GK5: variants seen among roughly 807,000 people sequenced by gnomAD.
GK5 encodes the protein ATP:glycerol 3-phosphotransferase 5.
Under a neutral mutation model 77.3 loss-of-function variants are expected in GK5, and 39 were observed. That is an observed-to-expected ratio of 0.50 (90% CI 0.39 to 0.66). The LOEUF is 0.66. GK5 is among the 30% of genes least tolerant of loss of function. The pLI, the probability that GK5 is intolerant of heterozygous loss-of-function variation, is 0.00. For missense variants in GK5, 487 were observed against 633.8 expected (o/e 0.77, Z 2.49); for synonymous variants, 211 against 208.0 (o/e 1.01, Z -0.13).
intron 9 of GK5, chr3:142,185,631 C>A: frequency 8.6e-7 from 1 of 1,169,350 alleles, no homozygotes; most frequent in African/African-American, 1.6e-5. Flanking sequence ...AAACTAAATA[C>A]CACTCAGAAT....
rs117862814 is a variant in GK5 at position 142,190,412 on chromosome 3, T to C, written c.544-2633A>G. ...AAATCAACAACTCTCCTTAGATCCA[T>C]AGAGAATTGAGGTCCTAGGGCAATG... On this transcript the variant is annotated intron_variant, in intron 5 of 15. Transcript: ENST00000392993. Among the ~76,000 whole-genome samples the C allele has an allele frequency of 4.6e-5, 7 of 152,218 alleles. No individual in the cohort carries two copies. The East Asian group carries it at 1.2e-3, about 25-fold the overall frequency.
chr3:142,171,936 A>G (rs1482099875), intron 13 of GK5, among the ~76,000 whole-genome samples: 1 of 152,166 alleles, frequency 6.6e-6, no homozygotes, highest in African/African-American at 2.4e-5. Context: ...AATAATTAAC[A>G]CCTGTCTCAT....
chr3:142,180,463 C>T (rs1041131622), intron 11 of GK5, among the ~76,000 whole-genome samples: 3 of 151,928 alleles, frequency 2.0e-5, no homozygotes, highest in African/African-American at 7.3e-5. Flanking sequence ...CCACCATGCC[C>T]GGCTAATTTT....
chr3:142,208,658 T>C (rs911760527), intron 3 of GK5, among the ~76,000 whole-genome samples: 1 of 152,246 alleles, frequency 6.6e-6, no homozygotes, highest in Non-Finnish European at 1.5e-5. Flanking sequence ...CAACAGCACA[T>C]ACTTATACAC....
intron 14 of GK5, 64 bp downstream of exon 14, chr3:142,171,355 C>T (rs2063534743): frequency 7.4e-7 from 1 of 1,359,616 alleles, no homozygotes; most frequent in South Asian, 1.5e-5. Context: ...TGAGTGGTAG[C>T]TCATAGCAGC....
chr3:142,165,821 TAA>T (rs2063468194), intron 15 of GK5, 51 bp from the exon 16 acceptor site: 2 of 1,337,610 alleles, frequency 1.5e-6, no homozygotes, highest in Non-Finnish European at 1.0e-6. Flanking sequence ...ATGAGTCCAA[TAA>T]AGTTTATCCA....
chr3:142,184,244 G>C (rs1480319639), intron 9 of GK5, among the ~76,000 whole-genome samples: 2 of 101,826 alleles, frequency 2.0e-5, no homozygotes, highest in African/African-American at 8.4e-5. Flanking sequence ...CTGGGCGACA[G>C]AGTGAGACTC....
At chr3:142,181,337 T>C (rs1276824523) in intron 11 of GK5, 124 bp downstream of exon 11, 4 of 539,924 alleles carry the variant, frequency 7.4e-6, no homozygotes, top group Non-Finnish European at 1.3e-5. Context: ...TTTCTTTTAA[T>C]AGATGTCATT....
rs891091787 is a variant in GK5, at chr3:142,164,080, C to T, written c.*1542G>A. ...CAAATATTAATTAGATTTAATAATA[C>T]TATATATTTGTTACAATGCCTTCAT... On this transcript the variant is annotated 3_prime_UTR_variant, in exon 16 of 16. Transcript: ENST00000392993. 2.6e-5 allele frequency: 4 copies of T among 151,964 alleles called. No individual in the cohort carries two copies. The highest frequency in any genetic ancestry group is 6.6e-5 in the Admixed American group (1 of 15,250). 9.4% of individuals were successfully genotyped at this position (151,964 alleles called of 1,614,324 possible). A position where few individuals can be genotyped will look rare whatever the true frequency, so the allele number is the denominator to read the frequency against.
chr3:142,175,385 T>C (rs2063595499), intron 12 of GK5, among the ~76,000 whole-genome samples: 1 of 152,214 alleles, frequency 6.6e-6, no homozygotes, highest in African/African-American at 2.4e-5. Context: ...TCTCAGTAGA[T>C]TCCTTTGAGA....
At chr3:142,215,159 T>C (rs371307802) in intron 2 of GK5, among the ~76,000 whole-genome samples, 2 of 152,304 alleles carry the variant, frequency 1.3e-5, no homozygotes, top group East Asian at 1.9e-4. Context: ...ACTTAGACCA[T>C]AGCTTTGGCC....
At chr3:142,206,880 T>C (rs1309408501) in intron 3 of GK5, among the ~76,000 whole-genome samples, 1 of 152,222 alleles carries the variant, frequency 6.6e-6, no homozygotes, top group Non-Finnish European at 1.5e-5. Flanking sequence ...TATTCTTCAA[T>C]CCAATCGTGA....
At chr3:142,187,878 A>C in intron 5 of GK5, 99 bp from the exon 6 acceptor site, 1 of 783,844 alleles carries the variant, frequency 1.3e-6, no homozygotes, top group East Asian at 2.6e-5. Context: ...CATTTTTATA[A>C]AAATTAATAT....
At chr3:142,197,762 T>C (rs1039819810) in intron 5 of GK5, among the ~76,000 whole-genome samples, 5 of 152,120 alleles carry the variant, frequency 3.3e-5, no homozygotes, top group African/African-American at 9.7e-5. Flanking sequence ...TGGTGATTCA[T>C]GCTTGTAATC....
intron 4 of GK5, among the ~76,000 whole-genome samples, chr3:142,199,552 C>T (rs2063987129): frequency 6.6e-6 from 1 of 152,088 alleles, no homozygotes; most frequent in African/African-American, 2.4e-5. Flanking sequence ...CTCTTATTAG[C>T]TTTTTTCTTT....
At chr3:142,214,647 G>A (rs1367637441) in intron 2 of GK5, among the ~76,000 whole-genome samples, 1 of 152,186 alleles carries the variant, frequency 6.6e-6, no homozygotes, top group African/African-American at 2.4e-5. Flanking sequence ...TGCTCTAGAT[G>A]AAAGGAGCCT....
chr3:142,213,799 CAA>C lies in GK5; in HGVS notation c.242-200_242-199del, dbSNP rs916337974. On this transcript the variant is annotated intron_variant, in intron 2 of 15. Coordinates refer to ENST00000392993, the MANE Select transcript of GK5 (RefSeq NM_001039547.3). ...GCATTTTTTTTTTACTTGAAGAAAA[CAA>C]AGGTTGTTTCTTGTTTTTTGTTTTT... 1.6e-4 allele frequency among the ~76,000 whole-genome samples: 25 copies of C among 151,846 alleles called. No individual in the cohort carries two copies. The East Asian group carries it at 2.9e-3, about 18-fold the overall frequency.
At chr3:142,208,296 A>T (rs2064140697) in intron 3 of GK5, among the ~76,000 whole-genome samples, 1 of 152,226 alleles carries the variant, frequency 6.6e-6, no homozygotes, top group Non-Finnish European at 1.5e-5. Context: ...TTGATATATA[A>T]AGTCCAATTT....
intron 3 of GK5, among the ~76,000 whole-genome samples, chr3:142,209,430 T>C (rs930143627): frequency 6.6e-6 from 1 of 152,084 alleles, no homozygotes; most frequent in African/African-American, 2.4e-5. Flanking sequence ...ATTTATAACA[T>C]AGAACAAGAC....
Sources: allele counts gnomAD v4.1 joint callset (sites outside exome capture counted in the v4.1 genomes callset), GRCh38; gene constraint gnomAD v4.1.1; transcripts MANE v1.5; gene names NCBI Gene and HGNC (gene_info 2026-07-23, HGNC 2026-07-21).